PSG4: variants seen among roughly 807,000 people sequenced by gnomAD.
PSG4 encodes the protein pregnancy specific beta-1-glycoprotein 4.
PSG4 carries 61 observed loss-of-function variants against 44.3 expected under a neutral mutation model. The ratio of observed to expected loss-of-function variants is 1.38; its 90% confidence interval spans 1.12 to 1.70. The LOEUF (loss-of-function observed/expected upper bound fraction) is 1.70. Among genes scored for constraint, PSG4 ranks in the 40% most tolerant of loss-of-function variants. The pLI is 0.00. For missense variants in PSG4, 677 were observed against 511.7 expected (o/e 1.32, Z -3.12); for synonymous variants, 248 against 191.3 (o/e 1.30, Z -2.45).
At chr19:43,196,482 T>C (rs6509068) in intron 3 of PSG4, 1 of 151,134 alleles carries the variant, frequency 6.6e-6, no homozygotes, top group South Asian at 2.1e-4. Context: ...GACATTTTTT[T>C]ATTCTGAAAT....
At chr19:43,194,305 A>G in intron 5 of PSG4, 35 bp downstream of exon 5, 10 of 1,611,838 alleles carry the variant, frequency 6.2e-6, no homozygotes, top group South Asian at 1.1e-5. Context: ...ACTCCACCTA[A>G]ATCCCTATTG....
At position 43,192,742 on chromosome 19, in the gene PSG4, A is replaced by G; in HGVS notation, c.*630T>C. ...CATGTTTTATTCTGCTAGAATCAGT[A>G]TTACTGTCACGTTTTACACTGTATC... On this transcript the variant is annotated 3_prime_UTR_variant, in exon 6 of 6. Transcript: ENST00000405312. The G allele has an allele frequency of 6.0e-6, 1 of 166,182 alleles. No individual in the cohort carries two copies. The highest frequency in any genetic ancestry group is 1.3e-5 in the Non-Finnish European group (1 of 76,018). The allele number at this position is 166,182 out of a possible 1,614,324, so 10.3% of individuals were successfully genotyped here. A position where few individuals can be genotyped will look rare whatever the true frequency, so the allele number is the denominator to read the frequency against.
Position 43,194,245 on chromosome 19 carries a change from C to T in PSG4, c.1243+95G>A, listed in dbSNP as rs942651613. 2.1e-5 allele frequency: 34 copies of T among 1,601,164 alleles called. 1 individual carries two copies. In the Admixed American group the frequency reaches 2.4e-4, roughly 11 times the overall value. On this transcript the variant is annotated intron_variant, in intron 5 of 5. Coordinates refer to ENST00000405312, the MANE Select transcript of PSG4 (RefSeq NM_002780.5). ...GGGATTTGCTTGTGCCCATGGGACA[C>T]AGGCTGGGAATAAAAATGTTTTCCT...
At chr19:43,203,839 AG>A in intron 2 of PSG4, 46 bp downstream of exon 2, 1 of 1,566,466 alleles carries the variant, frequency 6.4e-7, no homozygotes, top group Non-Finnish European at 8.6e-7. Flanking sequence ...GTGAAGTAGA[AG>A]TGACCCCTGT....
In PSG4 at chr19:43,203,837, G is replaced by C. The variant is rs567855215; in HGVS notation, c.430+49C>G. ...CTGAGAATCCTGTGTGTGTGAAGTA[G>C]AAGTGACCCCTGTCCCCCAACACCC... On this transcript the variant is annotated intron_variant, in intron 2 of 5. Transcript: ENST00000405312. 3.6e-5 allele frequency: 56 copies of C among 1,566,132 alleles called. 14 individuals are homozygous for C. In the East Asian group the frequency reaches 1.5e-3, roughly 41 times the overall value.
At chr19:43,195,306 G>A in intron 3 of PSG4, 33 bp from the exon 4 acceptor site, 7 of 1,602,878 alleles carry the variant, frequency 4.4e-6, no homozygotes, top group Non-Finnish European at 6.0e-6. Flanking sequence ...ATTGTCCTGT[G>A]TGGCACCTTT....
chr19:43,200,897 G>A (rs1319306073), intron 2 of PSG4, among the ~76,000 whole-genome samples: 1 of 146,184 alleles, frequency 6.8e-6, no homozygotes, highest in Non-Finnish European at 1.5e-5. Flanking sequence ...ATGAGTTGTT[G>A]ACTTTTTACT....
In PSG4 at chr19:43,204,093, G is replaced by C. The variant is rs3170216; in HGVS notation, c.223C>G (p.Leu75Val). The C allele has an allele frequency of 0.26, 417,125 of 1,585,376 alleles. 81,868 individuals are homozygous for C. Among genetic ancestry groups the C allele is most frequent in the Non-Finnish European group, 0.29 (338,673 of 1,170,552 alleles). ...ACATATGATGTAATGTAATGGTAGA[G>C]GTATGTCATTTGCCCTTTGTACCAA... is the stretch of plus-strand genomic sequence containing the variant. ...YIWYKGQMTY[L>V]YHYITSYVVD... Residue 75 changes from leucine (L) to valine (V), a missense_variant, in exon 2 of 6, where the codon CTC becomes GTC. Transcript: ENST00000405312.
intron 1 of PSG4, among the ~76,000 whole-genome samples, chr19:43,205,113 T>TTTTTTTTTTTTTTTC: frequency 9.0e-6 from 1 of 110,580 alleles, no homozygotes; most frequent in Non-Finnish European, 1.7e-5. Context: ...CCTTTTTTCT[T>TTTTTTTTTTTTTTTC]TTTTTTTTTT....
At position 43,194,489 on chromosome 19, in the gene PSG4, G is replaced by C; in HGVS notation, c.1094C>G (p.Ser365Cys). 6.2e-7 allele frequency: 1 copy of C among 1,612,526 alleles called. No individual in the cohort carries two copies. The highest frequency in any genetic ancestry group is 8.5e-7 in the Non-Finnish European group (1 of 1,179,158). ...CTGAAACTTCCCATTAATTGTCCAA[G>C]AATATTGTGCCCGTGGGTTAGACTC... ...FAESNPRAQYSWTINGKFQLS... is the reference protein window; with the variant it reads ...FAESNPRAQYCWTINGKFQLS... The change falls in exon 5 of 6, where the codon TCT (serine) becomes TGT (cysteine). Residue 365 changes from serine to cysteine, a missense_variant. Transcript: ENST00000405312.
rs984393695 is a variant in PSG4 at position 43,193,243 on chromosome 19, G to C, written c.*129C>G. ...TGAGTTCTGAGTGGCTCACATGTCAGGTACAAGGGTTTTCCCATGAAATTT... is the reference window on the plus strand; with the variant it reads ...TGAGTTCTGAGTGGCTCACATGTCACGTACAAGGGTTTTCCCATGAAATTT... On this transcript the variant is annotated 3_prime_UTR_variant, in exon 6 of 6. Transcript: ENST00000405312. 4.6e-5 allele frequency: 35 copies of C among 765,480 alleles called. 1 individual carries two copies. The highest frequency in any genetic ancestry group is 7.4e-5 in the Non-Finnish European group (31 of 417,370). 47.4% of individuals were successfully genotyped at this position (765,480 alleles called of 1,614,324 possible).
At chr19:43,195,587 T>G (rs1972533) in intron 3 of PSG4, among the ~76,000 whole-genome samples, 36,947 of 150,944 alleles carry the variant, frequency 0.24, 5,443 homozygotes, top group East Asian at 0.55. Flanking sequence ...TCAGTTAACT[T>G]GCTGGCTCAC....
In PSG4 at chr19:43,194,345, A is replaced by G; in HGVS notation, c.1238T>C (p.Val413Ala). 1 of 1,612,252 alleles carries G rather than the reference A, an allele frequency of 6.2e-7. No individual in the cohort carries two copies. The highest frequency in any genetic ancestry group is 2.2e-5 in the East Asian group (1 of 44,868). ...KESSKSITVKVSDWILP is the reference protein window; with the variant it reads ...KESSKSITVKASDWILP ...GGATGCTGGGATCCACTTACCAGAG[A>G]CTTTGACTGTGATGGATTTGGAGCT... The change falls in exon 5 of 6, where the codon GTC becomes GCC. Residue 413 changes from valine to alanine, a missense_variant. Coordinates refer to ENST00000405312, the MANE Select transcript of PSG4 (RefSeq NM_002780.5).
chr19:43,198,237 T>A lies in PSG4; in HGVS notation c.469A>T (p.Asn157Tyr), dbSNP rs1441333043. The A allele has an allele frequency of 6.3e-7, 1 of 1,587,192 alleles. No individual in the cohort carries two copies. Among genetic ancestry groups the A allele is most frequent in the Admixed American group, 1.7e-5 (1 of 58,326 alleles). ...ACAGCCTCCATGGCCTCCCTGGGAT[T>A]TAAGTTGCTGCTGGAGATGGAGGGC... ...PKPSISSSNL[N>Y]PREAMEAVIL... is the part of the protein sequence containing the mutation. Residue 157 changes from asparagine to tyrosine, a missense_variant, in exon 3 of 6, where the codon AAT (asparagine) becomes TAT (tyrosine). Physicochemically the swap from Asn to Tyr is moderately radical, Grantham distance 143. Coordinates refer to ENST00000405312, the MANE Select transcript of PSG4 (RefSeq NM_002780.5).
Position 43,205,636 on chromosome 19 carries a change from G to A in PSG4, c.-100C>T, listed in dbSNP as rs867733427. Reference sequence around the variant, plus strand: ...GCTGTGCTGTCCTTCCTCCTTCTGTGCTGAGCCTCCTCCCGGGGCAGGAGC... The same window carrying A: ...GCTGTGCTGTCCTTCCTCCTTCTGTACTGAGCCTCCTCCCGGGGCAGGAGC... On this transcript the variant is annotated 5_prime_UTR_variant, in exon 1 of 6. Transcript: ENST00000405312. 2.4e-4 allele frequency: 307 copies of A among 1,285,208 alleles called. 17 individuals carry two copies. Among genetic ancestry groups the A allele is most frequent in the Middle Eastern group, 1.4e-3 (7 of 4,940 alleles). The allele number at this position is 1,285,208 out of a possible 1,614,324, so 79.6% of individuals were successfully genotyped here.
chr19:43,204,631 C>T, intron 1 of PSG4: 1 of 247,946 alleles, frequency 4.0e-6, no homozygotes, highest in South Asian at 5.1e-5. Context: ...TCCCTGCTCT[C>T]CTCCCTCCAG....
rs541822237 is a variant in PSG4, at chr19:43,202,400, G to C, written c.430+1486C>G. Among the ~76,000 whole-genome samples, 4 of 144,904 alleles carry C rather than the reference G, an allele frequency of 2.8e-5. No individual in the cohort carries two copies. In the South Asian group the frequency reaches 8.7e-4, roughly 31 times the overall value. On this transcript the variant is annotated intron_variant, in intron 2 of 5. Coordinates refer to ENST00000405312, the MANE Select transcript of PSG4 (RefSeq NM_002780.5). ...TGGCTTTAGGGGCAAGAGGTAGTGG[G>C]GGGATGAAACGTGGGTGTCAGCCTC...
At chr19:43,204,753 AC>A in intron 1 of PSG4, 1 of 326,788 alleles carries the variant, frequency 3.1e-6, no homozygotes. Context: ...TCTTGGTTGC[AC>A]CCCAGTACCT....
At position 43,204,198 on chromosome 19, in the gene PSG4, C is replaced by A. The variant is rs746974994; in HGVS notation, c.118G>T (p.Ala40Ser). The change falls in exon 2 of 6, where the codon GCC becomes TCC. Residue 40 changes from alanine to serine, a missense_variant. Ala to Ser is a moderately conservative substitution (Grantham distance 99). Transcript: ENST00000405312. ...PPTTAQVTIE[A>S]QPPKVSEGKD... is the part of the protein sequence containing the mutation. ...CCCTCAGAAACTTTGGGTGGCTGGG[C>A]TTCAATCGTGACTTGGGCAGTTGTG... 3.9e-5 allele frequency: 61 copies of A among 1,584,140 alleles called. 6 individuals are homozygous for A. The South Asian group carries it at 6.6e-4, about 17-fold the overall frequency.
Sources: allele counts gnomAD v4.1 joint callset (sites outside exome capture counted in the v4.1 genomes callset), GRCh38; gene constraint gnomAD v4.1.1; transcripts MANE v1.5; gene names NCBI Gene and HGNC (gene_info 2026-07-23, HGNC 2026-07-21).